INPP4B: variants seen among roughly 807,000 people sequenced by gnomAD.
The protein encoded by INPP4B is inositol polyphosphate 4-phosphatase type II.
Under a neutral mutation model 122.5 loss-of-function variants are expected in INPP4B, and 55 were observed. The observed-to-expected ratio is 0.45, with a 90% CI of 0.36 to 0.56. The LOEUF is 0.56. INPP4B is among the 20% of genes least tolerant of loss of function. The probability of loss-of-function intolerance (pLI) is 0.00; values close to 1 mark genes in which losing one functional copy is unlikely to be tolerated. For missense variants in INPP4B, 1,000 were observed against 1,097.7 expected (o/e 0.91, Z 1.26); for synonymous variants, 403 against 388.7 (o/e 1.04, Z -0.43).
chr4:142,592,075 T>C lies in INPP4B; in HGVS notation c.-190-129349A>G, dbSNP rs1031740935. On this transcript the variant is annotated intron_variant, in intron 2 of 25. Transcript: ENST00000262992. ...CCACACTTGCACAAAATGTTAATAATAGGGGAAGGCTTATATGAGACACAT... is the reference window on the plus strand; with the variant it reads ...CCACACTTGCACAAAATGTTAATAACAGGGGAAGGCTTATATGAGACACAT... Among the ~76,000 whole-genome samples, 3 of 152,212 alleles carry C rather than the reference T, an allele frequency of 2.0e-5. No homozygotes were observed. In the East Asian group the frequency reaches 5.8e-4, roughly 29 times the overall value.
Position 142,119,796 on chromosome 4 carries a change from T to TATAC in INPP4B, c.2135+2331_2135+2332insGTAT, listed in dbSNP as rs1485031548. ...TGTAGCCTAGAACTTAAAGTATATATACACACACACACACACACACACACA... is the reference window on the plus strand; with the variant it reads ...TGTAGCCTAGAACTTAAAGTATATATATACACACACACACACACACACACACACA... On this transcript the variant is annotated intron_variant, in intron 21 of 25. Coordinates refer to ENST00000262992, the MANE Select transcript of INPP4B (RefSeq NM_001101669.3). 1.1e-3 allele frequency among the ~76,000 whole-genome samples: 166 copies of TATAC among 148,526 alleles called. 1 individual carries two copies. The highest frequency in any genetic ancestry group is 7.1e-3 in the Middle Eastern group (2 of 282).
intron 7 of INPP4B, among the ~76,000 whole-genome samples, chr4:142,386,093 T>C (rs1017674220): frequency 6.6e-6 from 1 of 152,136 alleles, no homozygotes; most frequent in African/African-American, 2.4e-5. Context: ...TTCTATGAGT[T>C]CAACTTTTTA....
chr4:142,368,389 T>C (rs1055297874), intron 7 of INPP4B, among the ~76,000 whole-genome samples: 11 of 152,172 alleles, frequency 7.2e-5, no homozygotes, highest in African/African-American at 2.4e-4. Flanking sequence ...TTCAACTTTT[T>C]GGGCAATGGC....
intron 1 of INPP4B, among the ~76,000 whole-genome samples, chr4:142,818,116 C>T (rs1780340909): frequency 6.6e-6 from 1 of 152,094 alleles, no homozygotes; most frequent in Non-Finnish European, 1.5e-5. Flanking sequence ...TTAAAGAATG[C>T]AAAGATGATA....
rs72941137 is a variant in INPP4B at position 142,317,827 on chromosome 4, G to C, written c.373-3065C>G. 4.8e-3 allele frequency among the ~76,000 whole-genome samples: 736 copies of C among 152,248 alleles called. 3 individuals are homozygous for C. The highest frequency in any genetic ancestry group is 0.017 in the African/African-American group (710 of 41,538). Reference sequence around the variant, plus strand: ...TAAACCAGAGCTCAGTTGTGTTCAGGAAATAGTAAGTATTCTGTTGATGCT... The same window carrying C: ...TAAACCAGAGCTCAGTTGTGTTCAGCAAATAGTAAGTATTCTGTTGATGCT... On this transcript the variant is annotated intron_variant, in intron 7 of 25. Transcript: ENST00000262992.
intron 2 of INPP4B, among the ~76,000 whole-genome samples, chr4:142,702,786 A>G (rs987811077): frequency 6.6e-6 from 1 of 151,334 alleles, no homozygotes; most frequent in African/African-American, 2.4e-5. Context: ...TTCACAAACT[A>G]TAACATTTTT....
chr4:142,642,482 ATATG>A (rs1750730759), intron 2 of INPP4B, among the ~76,000 whole-genome samples: 3 of 152,214 alleles, frequency 2.0e-5, no homozygotes, highest in Non-Finnish European at 2.9e-5. Context: ...AGCTTTCTAC[ATATG>A]GCTAGCCAGT....
intron 16 of INPP4B, among the ~76,000 whole-genome samples, chr4:142,168,901 T>C (rs1399219982): frequency 6.6e-6 from 1 of 151,588 alleles, no homozygotes; most frequent in African/African-American, 2.4e-5. Flanking sequence ...AATGTTTAGG[T>C]TCCTTTTTGC....
intron 1 of INPP4B, among the ~76,000 whole-genome samples, chr4:142,751,283 CAAAAAAA>C (rs70949187): frequency 2.4e-4 from 25 of 105,096 alleles, no homozygotes; most frequent in Non-Finnish European, 4.5e-4. Flanking sequence ...TTAACTGTGT[CAAAAAAA>C]AAAAAAAAAA....
intron 9 of INPP4B, among the ~76,000 whole-genome samples, chr4:142,280,123 G>C (rs1261351694): frequency 6.6e-6 from 1 of 151,738 alleles, no homozygotes; most frequent in African/African-American, 2.4e-5. Flanking sequence ...TCTCTGTAAG[G>C]AAAAACAGCT....
chr4:142,798,203 A>G (rs1378279058), intron 1 of INPP4B, among the ~76,000 whole-genome samples: 1 of 151,960 alleles, frequency 6.6e-6, no homozygotes, highest in Non-Finnish European at 1.5e-5. Flanking sequence ...TAGGAAAAAT[A>G]GAAAACTATT....
chr4:142,336,726 G>T (rs1049227218), intron 7 of INPP4B, among the ~76,000 whole-genome samples: 1 of 152,218 alleles, frequency 6.6e-6, no homozygotes, highest in Non-Finnish European at 1.5e-5. Context: ...GCTGCAGCAG[G>T]CCAAGTGGGC....
chr4:142,499,307 T>C (rs190374412), intron 2 of INPP4B, among the ~76,000 whole-genome samples: 1 of 152,228 alleles, frequency 6.6e-6, no homozygotes, highest in African/African-American at 2.4e-5. Flanking sequence ...AAATATGTAA[T>C]TAAGGCCTCA....
intron 7 of INPP4B, among the ~76,000 whole-genome samples, chr4:142,386,128 T>C (rs2148921829): frequency 6.6e-6 from 1 of 152,248 alleles, no homozygotes; most frequent in South Asian, 2.1e-4. Flanking sequence ...AGTGAGACCA[T>C]GCAGATGTGT....
intron 2 of INPP4B, among the ~76,000 whole-genome samples, chr4:142,465,485 A>G (rs1456029918): frequency 6.6e-6 from 1 of 152,226 alleles, no homozygotes; most frequent in African/African-American, 2.4e-5. Context: ...TTTCTATGCT[A>G]ACTTCTGGGT....
At chr4:142,747,694 A>G (rs930438463) in intron 1 of INPP4B, among the ~76,000 whole-genome samples, 2 of 152,216 alleles carry the variant, frequency 1.3e-5, no homozygotes, top group African/African-American at 4.8e-5. Flanking sequence ...TGCAGCCATA[A>G]AAAAGAATGA....
At chr4:142,800,861 G>A (rs1430780823) in intron 1 of INPP4B, among the ~76,000 whole-genome samples, 2 of 152,094 alleles carry the variant, frequency 1.3e-5, no homozygotes, top group African/African-American at 2.4e-5. Flanking sequence ...TCAAGAAGAG[G>A]GAATAAACAG....
At chr4:142,481,463 G>A (rs867499399) in intron 2 of INPP4B, among the ~76,000 whole-genome samples, 1 of 152,072 alleles carries the variant, frequency 6.6e-6, no homozygotes, top group Non-Finnish European at 1.5e-5. Flanking sequence ...TGCACAGAGT[G>A]AGAAATTGAG....
chr4:142,446,652 TATTC>T (rs1812974609), intron 3 of INPP4B, among the ~76,000 whole-genome samples: 1 of 152,228 alleles, frequency 6.6e-6, no homozygotes, highest in South Asian at 2.1e-4. Flanking sequence ...TATTGTGATT[TATTC>T]ATTCTTTACA....
Sources: allele counts gnomAD v4.1 joint callset (sites outside exome capture counted in the v4.1 genomes callset), GRCh38; gene constraint gnomAD v4.1.1; transcripts MANE v1.5; gene names NCBI Gene and HGNC (gene_info 2026-07-23, HGNC 2026-07-21).